The following SUCLG2 variants were observed in gnomAD, a reference collection of about 807,000 sequenced individuals.
SUCLG2 encodes succinate-CoA ligase GDP-forming subunit beta.
In SUCLG2, 42 loss-of-function variants were observed where a neutral mutation model predicts 47.9. The observed-to-expected ratio is 0.88, with a 90% CI of 0.69 to 1.14. The LOEUF (loss-of-function observed/expected upper bound fraction) is 1.14, where lower values mean the gene tolerates loss of function less well. SUCLG2 is among the 50% of genes most tolerant of loss of function. The probability of loss-of-function intolerance (pLI) is 0.00; values close to 1 mark genes in which losing one functional copy is unlikely to be tolerated. For missense variants in SUCLG2, 571 were observed against 525.9 expected, an observed-to-expected ratio of 1.09 and a Z score of -0.84; for synonymous variants, 195 against 197.3, an observed-to-expected ratio of 0.99 and a Z score of 0.10.
chr3:67,565,845 C>A (rs1396843885), intron 2 of SUCLG2, among the ~76,000 whole-genome samples: 1 of 152,226 alleles, frequency 6.6e-6, no homozygotes, highest in Non-Finnish European at 1.5e-5. Context: ...TTGAACACTA[C>A]ACGGCAGCTG....
At chr3:67,442,080 A>G (rs6548546) in intron 9 of SUCLG2, among the ~76,000 whole-genome samples, 74,210 of 133,908 alleles carry the variant, frequency 0.55, 20,864 homozygotes, top group Non-Finnish European at 0.61. Context: ...GCGGGATCTC[A>G]GCTCACTGCA....
intron 9 of SUCLG2, among the ~76,000 whole-genome samples, chr3:67,459,136 T>C: frequency 6.6e-6 from 1 of 152,184 alleles, no homozygotes; most frequent in East Asian, 1.9e-4. Flanking sequence ...GGCAGCTGTT[T>C]TGTGTGTGTG....
intron 9 of SUCLG2, among the ~76,000 whole-genome samples, chr3:67,479,515 C>T (rs1330152134): frequency 1.3e-5 from 2 of 152,178 alleles, no homozygotes; most frequent in African/African-American, 2.4e-5. Context: ...GACCACTGTC[C>T]TTTTCCCCAG....
chr3:67,400,375 C>CA (rs1229066836), intron 10 of SUCLG2, among the ~76,000 whole-genome samples: 1 of 151,760 alleles, frequency 6.6e-6, no homozygotes, highest in Non-Finnish European at 1.5e-5. Flanking sequence ...AAATATAAGC[C>CA]AAAAAACCAA....
chr3:67,390,328 T>C (rs1262042765), intron 10 of SUCLG2, among the ~76,000 whole-genome samples: 2 of 152,204 alleles, frequency 1.3e-5, no homozygotes, highest in African/African-American at 4.8e-5. Context: ...ATTAAAAATA[T>C]CCTGATGAGA....
Position 67,520,699 on chromosome 3 carries a change from A to G in SUCLG2, c.418-65T>C, listed in dbSNP as rs1323034386. On this transcript the variant is annotated intron_variant, in intron 4 of 10. Coordinates refer to ENST00000307227, the MANE Select transcript of SUCLG2 (RefSeq NM_003848.4). The stretch of plus-strand genomic sequence containing the variant: ...AGCTGATTTCTACTTGGAAATCTAT[A>G]CAAACTTGCTACACGAATCAAATGG... 3.9e-6 allele frequency: 6 copies of G among 1,532,968 alleles called. No homozygotes were observed. The African/African-American group carries it at 4.2e-5, about 11-fold the overall frequency. The allele number at this position is 1,532,968 out of a possible 1,614,324, so 95.0% of individuals were successfully genotyped here.
intron 9 of SUCLG2, chr3:67,408,652 C>T (rs78609144): frequency 0.065 from 70,907 of 1,086,536 alleles, 2,679 homozygotes; most frequent in Middle Eastern, 0.083. Flanking sequence ...TGTCTATTCT[C>T]TTCTTCCTAA....
chr3:67,494,162 ATATT>A (rs1416400096), intron 9 of SUCLG2, among the ~76,000 whole-genome samples: 1 of 152,228 alleles, frequency 6.6e-6, no homozygotes, highest in Non-Finnish European at 1.5e-5. Context: ...TATTGCCAGT[ATATT>A]TATTAATGGG....
Position 67,483,294 on chromosome 3 carries a change from A to G in SUCLG2, c.1062+12504T>C, listed in dbSNP as rs926073588. Among the ~76,000 whole-genome samples, 6 of 152,214 alleles carry G rather than the reference A, an allele frequency of 3.9e-5. No individual in the cohort carries two copies. In the South Asian group the frequency reaches 8.3e-4, roughly 21 times the overall value. On this transcript the variant is annotated intron_variant, in intron 9 of 10. Coordinates refer to ENST00000307227, the MANE Select transcript of SUCLG2 (RefSeq NM_003848.4). ...ATTGCTCAGAACACTTTGGTAGGTC[A>G]AGACAAGAGAAAGGAGGACAACTCC...
intron 9 of SUCLG2, among the ~76,000 whole-genome samples, chr3:67,471,859 C>T (rs1459321875): frequency 6.6e-6 from 1 of 152,116 alleles, no homozygotes; most frequent in African/African-American, 2.4e-5. Context: ...TCTCCTCATC[C>T]TTGTAGTAGT....
chr3:67,572,125 C>T (rs975402450), intron 2 of SUCLG2, among the ~76,000 whole-genome samples: 3 of 152,206 alleles, frequency 2.0e-5, no homozygotes, highest in Non-Finnish European at 2.9e-5. Flanking sequence ...CCACATCAGA[C>T]ATTATTCAGG....
At chr3:67,377,874 G>C (rs1017025908) in intron 10 of SUCLG2, among the ~76,000 whole-genome samples, 6 of 152,120 alleles carry the variant, frequency 3.9e-5, no homozygotes, top group Non-Finnish European at 5.9e-5. Flanking sequence ...GGCTGGTCCT[G>C]AACTCCTAAA....
chr3:67,641,556 G>A (rs1701100815), intron 1 of SUCLG2, among the ~76,000 whole-genome samples: 1 of 152,236 alleles, frequency 6.6e-6, no homozygotes, highest in Non-Finnish European at 1.5e-5. Context: ...TCTCAATGCA[G>A]GGTGGTTCTG....
intron 9 of SUCLG2, among the ~76,000 whole-genome samples, chr3:67,442,477 T>C (rs1703791601): frequency 1.3e-5 from 2 of 152,144 alleles, no homozygotes; most frequent in Non-Finnish European, 1.5e-5. Flanking sequence ...GGCTGAAGAA[T>C]CTGTGTTCTA....
In SUCLG2 at chr3:67,538,207, T is replaced by C. The variant is rs139839768; in HGVS notation, c.227-9021A>G. Among the ~76,000 whole-genome samples, 906 of 152,278 alleles carry C rather than the reference T, an allele frequency of 5.9e-3. 9 individuals are homozygous for C. The highest frequency in any genetic ancestry group is 0.02 in the African/African-American group (828 of 41,558). On this transcript the variant is annotated intron_variant, in intron 2 of 10. Coordinates refer to ENST00000307227, the MANE Select transcript of SUCLG2 (RefSeq NM_003848.4). ...GTAGGGTTTTGATCGTTTTAGGTCTTATGTTTAAGTCTTTACTCCATCTTG... is the reference window on the plus strand; with the variant it reads ...GTAGGGTTTTGATCGTTTTAGGTCTCATGTTTAAGTCTTTACTCCATCTTG...
intron 1 of SUCLG2, among the ~76,000 whole-genome samples, chr3:67,652,800 T>C (rs1040494038): frequency 1.3e-5 from 2 of 152,344 alleles, no homozygotes; most frequent in South Asian, 4.1e-4. Context: ...TTGAACTTCT[T>C]TAGGCCTCAA....
chr3:67,482,352 T>C (rs1704940690), intron 9 of SUCLG2, among the ~76,000 whole-genome samples: 1 of 152,208 alleles, frequency 6.6e-6, no homozygotes. Context: ...TATTTCACAC[T>C]GTAGGATAAA....
intron 9 of SUCLG2, among the ~76,000 whole-genome samples, chr3:67,486,605 G>A (rs192914529): frequency 1.3e-5 from 2 of 152,236 alleles, no homozygotes; most frequent in Admixed American, 1.3e-4. Context: ...ATGGCCAACA[G>A]CATTATTAAC....
At chr3:67,366,609 G>C (rs563039075) in intron 10 of SUCLG2, among the ~76,000 whole-genome samples, 1 of 152,128 alleles carries the variant, frequency 6.6e-6, no homozygotes, top group Non-Finnish European at 1.5e-5. Context: ...CTGCGACAGT[G>C]GTCCTGAAGA....
Sources: allele counts gnomAD v4.1 joint callset (sites outside exome capture counted in the v4.1 genomes callset), GRCh38; gene constraint gnomAD v4.1.1; transcripts MANE v1.5; gene names NCBI Gene and HGNC (gene_info 2026-07-23, HGNC 2026-07-21).